BBX: variants seen among roughly 807,000 people sequenced by gnomAD.
BBX encodes HMG box transcription factor BBX.
A neutral mutation model predicts 100.2 loss-of-function variants in BBX; 30 were observed. That is an observed-to-expected ratio of 0.30 (90% CI 0.22 to 0.41). The LOEUF (loss-of-function observed/expected upper bound fraction) is 0.41, where lower values mean the gene tolerates loss of function less well. Among genes scored for constraint, BBX ranks in the 10% least tolerant of loss-of-function variants. BBX has a pLI of 1.00. For missense variants in BBX, 1,023 were observed against 1,129.8 expected (o/e 0.91, Z 1.35); for synonymous variants, 376 against 388.1 (o/e 0.97, Z 0.37).
intron 2 of BBX, among the ~76,000 whole-genome samples, chr3:107,590,001 A>T (rs536062920): frequency 7.4e-4 from 111 of 150,278 alleles, no homozygotes; most frequent in African/African-American, 2.2e-3. Flanking sequence ...TAAGTCTTTC[A>T]TTTTTTTTTA....
chr3:107,649,691 T>C (rs1364313220), intron 3 of BBX, among the ~76,000 whole-genome samples: 1 of 152,226 alleles, frequency 6.6e-6, no homozygotes, highest in African/African-American at 2.4e-5. Context: ...CAAGGGTTTT[T>C]AAAAAATTGT....
At chr3:107,573,183 A>G (rs1418925971) in intron 2 of BBX, among the ~76,000 whole-genome samples, 1 of 152,254 alleles carries the variant, frequency 6.6e-6, no homozygotes, top group Non-Finnish European at 1.5e-5. Context: ...ATGGAGATTA[A>G]GAAGCATTCT....
intron 10 of BBX, among the ~76,000 whole-genome samples, chr3:107,756,482 C>G (rs73850162): frequency 0.018 from 2,700 of 151,856 alleles, 81 homozygotes; most frequent in African/African-American, 0.062. Flanking sequence ...CAATGAGCTC[C>G]CTTTGAGTTC....
At chr3:107,749,673 A>G (rs2107639524) in intron 9 of BBX, among the ~76,000 whole-genome samples, 1 of 147,490 alleles carries the variant, frequency 6.8e-6, no homozygotes, top group Admixed American at 6.9e-5. Context: ...CGCCCTCATT[A>G]CCTAGGCTGG....
At chr3:107,618,097 A>AATTATATCTAAT (rs1161328564) in intron 2 of BBX, among the ~76,000 whole-genome samples, 2 of 152,024 alleles carry the variant, frequency 1.3e-5, no homozygotes, top group African/African-American at 4.8e-5. Context: ...ATGGGTGTTG[A>AATTATATCTAAT]ATTATATCTA....
At chr3:107,619,212 G>C (rs866239288) in intron 2 of BBX, among the ~76,000 whole-genome samples, 2 of 151,828 alleles carry the variant, frequency 1.3e-5, no homozygotes, top group Non-Finnish European at 2.9e-5. Context: ...ACTTTATTTT[G>C]ATTAATATTT....
At chr3:107,778,346 T>G in intron 12 of BBX, 25 bp from the exon 13 acceptor site, 1 of 1,612,496 alleles carries the variant, frequency 6.2e-7, no homozygotes, top group Non-Finnish European at 8.5e-7. Context: ...ATGTGCTGAT[T>G]GATTCCCCTC....
At chr3:107,719,139 T>C (rs1336762879) in intron 5 of BBX, among the ~76,000 whole-genome samples, 2 of 152,030 alleles carry the variant, frequency 1.3e-5, no homozygotes, top group Admixed American at 6.6e-5. Context: ...GATACAAGGC[T>C]GTTGATAAAT....
At chr3:107,787,972 G>A (rs1215789128) in intron 13 of BBX, among the ~76,000 whole-genome samples, 1 of 152,160 alleles carries the variant, frequency 6.6e-6, no homozygotes, top group African/African-American at 2.4e-5. Context: ...GGCAGGATAT[G>A]AGGTTATGGA....
intron 2 of BBX, among the ~76,000 whole-genome samples, chr3:107,568,871 C>T (rs1041932642): frequency 6.6e-6 from 1 of 152,136 alleles, no homozygotes; most frequent in African/African-American, 2.4e-5. Context: ...ATTTTAGATA[C>T]ATCCAAATGT....
chr3:107,732,229 A>G (rs1227359202), intron 6 of BBX, among the ~76,000 whole-genome samples: 1 of 151,842 alleles, frequency 6.6e-6, no homozygotes. Flanking sequence ...TGCTTTCTTT[A>G]TTTAGATACA....
At chr3:107,684,672 G>A (rs1206373045) in intron 3 of BBX, 4 of 152,160 alleles carry the variant, frequency 2.6e-5, no homozygotes, top group Non-Finnish European at 1.5e-5. Flanking sequence ...AGTTGAGAGT[G>A]GGGTGCCTAA....
chr3:107,710,071 C>T (rs1051855892), intron 3 of BBX, among the ~76,000 whole-genome samples: 1 of 152,362 alleles, frequency 6.6e-6, no homozygotes, highest in East Asian at 1.9e-4. Flanking sequence ...AGGCATCCTT[C>T]ATGTTCTTCT....
At chr3:107,653,716 A>C (rs888554677) in intron 3 of BBX, among the ~76,000 whole-genome samples, 5 of 152,284 alleles carry the variant, frequency 3.3e-5, no homozygotes, top group Non-Finnish European at 7.4e-5. Flanking sequence ...TATGACAGAA[A>C]TGTTCTGTTT....
intron 3 of BBX, among the ~76,000 whole-genome samples, chr3:107,703,238 C>T (rs1433751949): frequency 1.3e-5 from 2 of 152,154 alleles, no homozygotes; most frequent in Non-Finnish European, 2.9e-5. Context: ...AATGTAAACA[C>T]CTCTGTAAAA....
At chr3:107,677,534 T>C (rs2059344976) in intron 3 of BBX, 1 of 152,150 alleles carries the variant, frequency 6.6e-6, no homozygotes, top group South Asian at 2.1e-4. Flanking sequence ...ACATCATAAC[T>C]TAGCTTAGCC....
intron 3 of BBX, among the ~76,000 whole-genome samples, chr3:107,685,717 A>G (rs1014077912): frequency 3.9e-5 from 6 of 152,204 alleles, no homozygotes; most frequent in Non-Finnish European, 8.8e-5. Context: ...CCCAATAACC[A>G]CATAATTTTT....
At chr3:107,783,791 T>C (rs1267821062) in intron 13 of BBX, among the ~76,000 whole-genome samples, 2 of 152,088 alleles carry the variant, frequency 1.3e-5, no homozygotes, top group African/African-American at 4.8e-5. Context: ...TATATTTTCT[T>C]TGTACTTGTT....
At chr3:107,579,017 T>C (rs2052048678) in intron 2 of BBX, among the ~76,000 whole-genome samples, 1 of 152,172 alleles carries the variant, frequency 6.6e-6, no homozygotes, top group Non-Finnish European at 1.5e-5. Flanking sequence ...CCTTGGGCCC[T>C]GAGGGACCCT....
Sources: gnomAD v4.1 joint callset for allele counts (sites outside exome capture counted in the v4.1 genomes callset) on GRCh38, gnomAD v4.1.1 for gene constraint, MANE v1.5 for transcripts, NCBI Gene and HGNC (gene_info 2026-07-23, HGNC 2026-07-21) for gene names.